The following SDK2 variants were observed in gnomAD, a reference collection of about 807,000 sequenced individuals.
SDK2 encodes protein sidekick-2.
Under a neutral mutation model 253.9 loss-of-function variants are expected in SDK2, and 105 were observed. That is an observed-to-expected ratio of 0.41 (90% confidence interval 0.35 to 0.49). The LOEUF (loss-of-function observed/expected upper bound fraction) is 0.49. Ranked by LOEUF, SDK2 falls within the 20% of genes least tolerant of loss-of-function variation. The pLI is 0.06. For missense variants in SDK2, 2,608 were observed against 3,003.0 expected (o/e 0.87, Z 3.07); for synonymous variants, 1,249 against 1,234.9 (o/e 1.01, Z -0.24).
rs1056703130 is a variant in SDK2 at position 73,435,269 on chromosome 17, C to A, written c.1195+181G>T. Among the ~76,000 whole-genome samples the A allele has an allele frequency of 6.6e-6, 1 of 152,230 alleles. No homozygotes were observed. The highest frequency in any genetic ancestry group is 1.5e-5 in the Non-Finnish European group (1 of 68,038). On this transcript the variant is annotated intron_variant, in intron 9 of 44. Coordinates refer to ENST00000392650, the MANE Select transcript of SDK2 (RefSeq NM_001144952.2). The surrounding 1 kb of genome is among the most constrained non-coding windows in gnomAD (Gnocchi z 5.7). ...TTCCTCCAGGGCTCTGGACTCAGGG[C>A]TGCAGAGGCAGCAGCGGTAACTGGC...
In SDK2 at chr17:73,447,697, G is replaced by C. The variant is rs372437199; in HGVS notation, c.531C>G (p.Asp177Glu). The C allele has an allele frequency of 1.9e-6, 3 of 1,551,658 alleles. No homozygotes were observed. In the Admixed American group the frequency reaches 5.9e-5, roughly 30 times the overall value. Reference sequence around the variant, plus strand: ...CAGCCTGCACATAGTAGCGACCTGCGTCAGGGGCCACCGTTGACAGGATGA... The same window carrying C: ...CAGCCTGCACATAGTAGCGACCTGCCTCAGGGGCCACCGTTGACAGGATGA... ...TLVILSTVAPDAGRYYVQAVN... is the reference protein window; with the variant it reads ...TLVILSTVAPEAGRYYVQAVN... The change falls in exon 5 of 45, where the codon GAC becomes GAG. Residue 177 changes from aspartate to glutamate, a missense_variant. Asp to Glu is a conservative substitution (Grantham distance 45, BLOSUM62 2). This residue lies in a region of SDK2 where 1,505 missense variants were observed against 1,859.1 expected (regional missense o/e 0.81). Transcript: ENST00000392650. The surrounding 1 kb of genome is among the most constrained non-coding windows in gnomAD (Gnocchi z 4.0).
intron 1 of SDK2, among the ~76,000 whole-genome samples, chr17:73,600,459 G>A (rs568953909): frequency 2.0e-5 from 3 of 152,046 alleles, no homozygotes; most frequent in Admixed American, 1.3e-4. Flanking sequence ...TGGAGAGGGC[G>A]ACAGCAATCC....
chr17:73,395,429 C>T lies in SDK2; in HGVS notation c.3355-37G>A, dbSNP rs369555374. The T allele has an allele frequency of 3.2e-6, 5 of 1,567,452 alleles. No homozygotes were observed. The highest frequency in any genetic ancestry group is 4.4e-6 in the Non-Finnish European group (5 of 1,139,264). On this transcript the variant is annotated intron_variant, in intron 24 of 44. Coordinates refer to ENST00000392650, the MANE Select transcript of SDK2 (RefSeq NM_001144952.2). The surrounding 1 kb of genome is among the most constrained non-coding windows in gnomAD (Gnocchi z 4.3). ...CAGGGGTGGCAAAGCTGCTATGAGC[C>T]AGGCCCCCCACTGTGCAGGGAGGAA...
rs1411544397 is a variant in SDK2, at chr17:73,443,032, C to G, written c.614-2109G>C. Reference sequence around the variant, plus strand: ...AATACAACCTCTGAGGACTTTTTCTCCACAACAAATCTATCCAGTTGGCCC... The same window carrying G: ...AATACAACCTCTGAGGACTTTTTCTGCACAACAAATCTATCCAGTTGGCCC... On this transcript the variant is annotated intron_variant, in intron 5 of 44. Transcript: ENST00000392650. The surrounding 1 kb of genome is among the most constrained non-coding windows in gnomAD (Gnocchi z 4.6). Among the ~76,000 whole-genome samples, 1 of 151,984 alleles carries G rather than the reference C, an allele frequency of 6.6e-6. No individual in the cohort carries two copies. Among genetic ancestry groups the G allele is most frequent in the Non-Finnish European group, 1.5e-5 (1 of 68,010 alleles).
intron 44 of SDK2, among the ~76,000 whole-genome samples, chr17:73,342,073 C>G (rs549262754): frequency 1.3e-5 from 2 of 151,994 alleles, no homozygotes; most frequent in African/African-American, 2.4e-5. Flanking sequence ...AGGATGGGAA[C>G]GAGAGCTCCC....
At chr17:73,445,673 C>A (rs1437004182) in intron 5 of SDK2, among the ~76,000 whole-genome samples, 1 of 151,834 alleles carries the variant, frequency 6.6e-6, no homozygotes, top group African/African-American at 2.4e-5. Context: ...GTGGGCGAAG[C>A]GTCAATTGCT....
intron 1 of SDK2, among the ~76,000 whole-genome samples, chr17:73,624,842 G>A (rs993563136): frequency 6.6e-6 from 1 of 152,160 alleles, no homozygotes; most frequent in Non-Finnish European, 1.5e-5. Flanking sequence ...AGGAGGAGTG[G>A]TTATTGAGCA....
In SDK2 at chr17:73,632,010, G is replaced by T. The variant is rs185962662; in HGVS notation, c.64+12015C>A. Among the ~76,000 whole-genome samples the T allele has an allele frequency of 5.1e-3, 770 of 152,316 alleles. 4 individuals carry two copies. Among genetic ancestry groups the T allele is most frequent in the Non-Finnish European group, 8.0e-3 (546 of 68,032 alleles). ...CTCCTCTAATGGTTTGGAGCAGTTT[G>T]GGTGAAGCTGAAGAAGAACCCAGAC... On this transcript the variant is annotated intron_variant, in intron 1 of 44. Coordinates refer to ENST00000392650, the MANE Select transcript of SDK2 (RefSeq NM_001144952.2).
Position 73,380,925 on chromosome 17 carries a change from G to C in SDK2, c.4731C>G (p.Ser1577Arg). 6.4e-7 allele frequency: 1 copy of C among 1,566,832 alleles called. No homozygotes were observed. The highest frequency in any genetic ancestry group is 8.7e-7 in the Non-Finnish European group (1 of 1,155,694). ...GCTCGTACTGCGTGAGGCTGGGCCG[G>C]CTCAGGTTCCGCATGGAGTACATGG... Reference protein sequence around the residue: ...LTSMYSMRNLSRPSLTQYELD... With the variant: ...LTSMYSMRNLRRPSLTQYELD... Residue 1577 changes from serine to arginine, a missense_variant, in exon 34 of 45, where the codon AGC (serine) becomes AGG (arginine). Ser to Arg is a moderately radical substitution (Grantham distance 110, BLOSUM62 -1). This residue lies in a region of SDK2 where 1,103 missense variants were observed against 1,143.9 expected (regional missense o/e 0.96). Coordinates refer to ENST00000392650, the MANE Select transcript of SDK2 (RefSeq NM_001144952.2).
At chr17:73,446,575 G>A (rs1194022630) in intron 5 of SDK2, among the ~76,000 whole-genome samples, 1 of 152,166 alleles carries the variant, frequency 6.6e-6, no homozygotes, top group Non-Finnish European at 1.5e-5. Flanking sequence ...CTCTGGACAT[G>A]GACAGCAGAG....
At chr17:73,539,874 G>T (rs11651269) in intron 1 of SDK2, among the ~76,000 whole-genome samples, 3 of 151,722 alleles carry the variant, frequency 2.0e-5, no homozygotes, top group African/African-American at 7.3e-5. Flanking sequence ...TGTGAGCTGG[G>T]GTACCCAGGA....
intron 1 of SDK2, among the ~76,000 whole-genome samples, chr17:73,508,707 C>T (rs757407153): frequency 4.1e-4 from 62 of 152,294 alleles, no homozygotes; most frequent in African/African-American, 1.3e-3. Context: ...GGGTTAGAAA[C>T]CTGCCCAAGG....
At chr17:73,418,098 C>G (rs1297268171) in intron 16 of SDK2, among the ~76,000 whole-genome samples, 1 of 148,264 alleles carries the variant, frequency 6.7e-6, no homozygotes. Flanking sequence ...ACCTCTGCCT[C>G]CTGGGTTCAA....
At chr17:73,425,272 T>C (rs2063271586) in intron 12 of SDK2, among the ~76,000 whole-genome samples, 1 of 151,288 alleles carries the variant, frequency 6.6e-6, no homozygotes, top group Non-Finnish European at 1.5e-5. Context: ...AACAGAAAAG[T>C]AAAAAGTACG....
In SDK2 at chr17:73,401,185, T is replaced by G. The variant is rs1287759312; in HGVS notation, c.2806A>C (p.Asn936His). The G allele has an allele frequency of 5.1e-6, 8 of 1,554,784 alleles. No homozygotes were observed. Among genetic ancestry groups the G allele is most frequent in the Non-Finnish European group, 7.0e-6 (8 of 1,148,774 alleles). Residue 936 changes from asparagine to histidine, a missense_variant, in exon 21 of 45, where the codon AAT becomes CAT. Around this residue, in one of 2 missense-constraint regions of SDK2, gnomAD observed 1,505 missense variants for 1,859.1 expected, o/e 0.81. Transcript: ENST00000392650. ...TGGGTCACACGGGTGTTGGTTCGATTGTACTCCTCCCAGGAGATCCGGTAC... is the reference window on the plus strand; with the variant it reads ...TGGGTCACACGGGTGTTGGTTCGATGGTACTCCTCCCAGGAGATCCGGTAC... ...TGYRISWEEY[N>H]RTNTRVTHYL...
At chr17:73,359,197 G>C (rs574074803) in intron 39 of SDK2, among the ~76,000 whole-genome samples, 1 of 152,006 alleles carries the variant, frequency 6.6e-6, no homozygotes, top group Non-Finnish European at 1.5e-5. Context: ...TGTTGGTGGG[G>C]GGTCTCTGTG....
At chr17:73,533,231 T>C (rs1178842088) in intron 1 of SDK2, among the ~76,000 whole-genome samples, 1 of 152,140 alleles carries the variant, frequency 6.6e-6, no homozygotes, top group Non-Finnish European at 1.5e-5. Flanking sequence ...CCTGACCCCA[T>C]TCCTCAGCAT....
chr17:73,573,917 G>A (rs2045421785), intron 1 of SDK2, among the ~76,000 whole-genome samples: 1 of 152,250 alleles, frequency 6.6e-6, no homozygotes, highest in Non-Finnish European at 1.5e-5. Context: ...TTGCTCTCAG[G>A]GGCCCTGGGC....
At chr17:73,580,054 C>T (rs2045513586) in intron 1 of SDK2, among the ~76,000 whole-genome samples, 2 of 151,986 alleles carry the variant, frequency 1.3e-5, no homozygotes, top group African/African-American at 4.8e-5. Flanking sequence ...TGAAGATGGC[C>T]ATCTATGATC....
Sources: allele counts gnomAD v4.1 joint callset (sites outside exome capture counted in the v4.1 genomes callset), GRCh38; gene constraint gnomAD v4.1.1; regional missense constraint gnomAD v4.1.1; non-coding constraint Gnocchi (gnomAD v3.1); transcripts MANE v1.5; gene names NCBI Gene and HGNC (gene_info 2026-07-23, HGNC 2026-07-21).